CCM2: variants seen among roughly 807,000 people sequenced by gnomAD.
The protein encoded by CCM2 is cerebral cavernous malformations 2 protein.
Under a neutral mutation model 44.9 loss-of-function variants are expected in CCM2, and 25 were observed. The observed-to-expected ratio is 0.56, with a 90% CI of 0.41 to 0.78. The LOEUF (loss-of-function observed/expected upper bound fraction) is 0.78. Among genes scored for constraint, CCM2 ranks in the 30% least tolerant of loss-of-function variants. The pLI is 0.00. For synonymous variants in CCM2, 219 were observed against 241.1 expected, an observed-to-expected ratio of 0.91 and a Z score of 0.85; for missense variants, 481 against 580.6, an observed-to-expected ratio of 0.83 and a Z score of 1.76.
At chr7:45,005,370 C>T (rs967820556) in intron 1 of CCM2, among the ~76,000 whole-genome samples, 1 of 152,222 alleles carries the variant, frequency 6.6e-6, no homozygotes, top group Non-Finnish European at 1.5e-5. Context: ...CCTTCCAGGG[C>T]TGCTCTGAGC....
At chr7:45,013,142 G>A (rs903657542) in intron 1 of CCM2, among the ~76,000 whole-genome samples, 1 of 151,082 alleles carries the variant, frequency 6.6e-6, no homozygotes, top group East Asian at 1.9e-4. Context: ...TCTATATATT[G>A]CTATATATAT....
intron 2 of CCM2, among the ~76,000 whole-genome samples, chr7:45,060,425 A>G (rs1291031471): frequency 5.3e-5 from 8 of 152,198 alleles, no homozygotes; most frequent in African/African-American, 1.9e-4. Context: ...GCCTCAGTGT[A>G]AATTACCTGC....
intron 9 of CCM2, among the ~76,000 whole-genome samples, chr7:45,075,241 C>G (rs951421533): frequency 2.6e-5 from 4 of 152,202 alleles, no homozygotes; most frequent in African/African-American, 7.2e-5. Flanking sequence ...CCCTCCACAT[C>G]GGGGAGTAGA....
chr7:45,064,109 T>G (rs2128747410), intron 3 of CCM2, 108 bp downstream of exon 3: 1 of 763,796 alleles, frequency 1.3e-6, no homozygotes, highest in East Asian at 2.5e-5. Context: ...CCCATCACAT[T>G]ATGGGTACAC....
intron 6 of CCM2, chr7:45,070,600 T>G: frequency 2.8e-6 from 1 of 357,738 alleles, no homozygotes; most frequent in Non-Finnish European, 5.8e-6. Context: ...ATCATCTGTT[T>G]TTCAGATGTA....
chr7:45,001,984 G>T (rs1012819268), intron 1 of CCM2, among the ~76,000 whole-genome samples: 2 of 152,142 alleles, frequency 1.3e-5, no homozygotes, highest in African/African-American at 4.8e-5. Context: ...CTTGTTTCCT[G>T]TAGACAAGCC....
At chr7:45,043,118 G>T (rs902691976) in intron 2 of CCM2, among the ~76,000 whole-genome samples, 3 of 151,826 alleles carry the variant, frequency 2.0e-5, no homozygotes, top group Non-Finnish European at 4.4e-5. Context: ...GACTACAGGT[G>T]CCTGCCACCA....
At chr7:45,074,500 G>C in intron 9 of CCM2, 92 bp downstream of exon 9, 1 of 1,002,632 alleles carries the variant, frequency 1.0e-6, no homozygotes, top group African/African-American at 1.6e-5. Context: ...CCCTCAGTGG[G>C]TGCAGCAGGG....
intron 2 of CCM2, among the ~76,000 whole-genome samples, chr7:45,053,350 G>A (rs1039432958): frequency 3.9e-5 from 6 of 152,212 alleles, no homozygotes; most frequent in Non-Finnish European, 8.8e-5. Flanking sequence ...AGCTGCTCCA[G>A]ATCTAGAAAC....
At chr7:45,072,285 G>A (rs1799117680) in intron 6 of CCM2, 3 of 338,518 alleles carry the variant, frequency 8.9e-6, no homozygotes, top group South Asian at 7.1e-5. Context: ...GCCCGGCTCT[G>A]ACTGTGGTTT....
intron 2 of CCM2, among the ~76,000 whole-genome samples, chr7:45,045,982 A>G (rs1194064359): frequency 1.3e-5 from 2 of 152,240 alleles, no homozygotes; most frequent in African/African-American, 4.8e-5. Context: ...GAAATCAAAG[A>G]TCTGAATAAG....
chr7:45,014,717 G>C (rs967086332), intron 1 of CCM2, among the ~76,000 whole-genome samples: 2 of 151,688 alleles, frequency 1.3e-5, no homozygotes, highest in South Asian at 2.1e-4. Flanking sequence ...CACCTCCTGG[G>C]TTTAAGCGAT....
chr7:45,023,055 G>C (rs1340926408), intron 1 of CCM2, among the ~76,000 whole-genome samples: 1 of 151,942 alleles, frequency 6.6e-6, no homozygotes, highest in African/African-American at 2.4e-5. Flanking sequence ...TGGGCTTTTA[G>C]TGTACCCATC....
intron 1 of CCM2, among the ~76,000 whole-genome samples, chr7:45,013,780 A>G (rs1314674223): frequency 1.3e-5 from 2 of 152,146 alleles, no homozygotes; most frequent in African/African-American, 4.8e-5. Flanking sequence ...CTGATGATTG[A>G]TATTTTTGAA....
intron 2 of CCM2, among the ~76,000 whole-genome samples, chr7:45,043,306 G>A (rs908986495): frequency 6.6e-6 from 1 of 152,052 alleles, no homozygotes; most frequent in Admixed American, 6.6e-5. Context: ...GTATTGCCCT[G>A]ATACCAAACC....
At position 45,000,256 on chromosome 7, in the gene CCM2, G is replaced by C. The variant is rs1277414564; in HGVS notation, c.-78G>C. 6.6e-5 allele frequency: 62 copies of C among 941,638 alleles called. 1 individual carries two copies. In the South Asian group the frequency reaches 2.6e-3, roughly 40 times the overall value. The allele number at this position is 941,638 out of a possible 1,614,324, so 58.3% of individuals were successfully genotyped here. ...CCGGGAGCGCGGGGGCGGCGGGCCC[G>C]GGTCGAGCATGTAGCGGCTGCTGGC... is the stretch of plus-strand genomic sequence containing the variant. On this transcript the variant is annotated 5_prime_UTR_variant, in exon 1 of 10. Transcript: ENST00000258781.
intron 1 of CCM2, among the ~76,000 whole-genome samples, chr7:45,028,206 A>T (rs1380939878): frequency 6.6e-6 from 1 of 152,224 alleles, no homozygotes; most frequent in Non-Finnish European, 1.5e-5. Flanking sequence ...CTGGAATTTC[A>T]TCCACGAAGC....
upstream of CCM2, chr7:44,999,804 CCGCGCG>C: frequency 1.0e-4 from 1 of 10,044 alleles, no homozygotes; most frequent in Non-Finnish European, 1.6e-4. Flanking sequence ...GGAGCTGCTC[CCGCGCG>C]CGCTCCCGCG....
At chr7:45,041,116 TTAATC>T (rs1482802216) in intron 2 of CCM2, among the ~76,000 whole-genome samples, 10 of 152,272 alleles carry the variant, frequency 6.6e-5, no homozygotes, top group East Asian at 3.9e-4. Context: ...TCCCAGGAAA[TTAATC>T]TAAGAAACAG....
Sources: allele counts gnomAD v4.1 joint callset (sites outside exome capture counted in the v4.1 genomes callset), GRCh38; gene constraint gnomAD v4.1.1; transcripts MANE v1.5; gene names NCBI Gene and HGNC (gene_info 2026-07-23, HGNC 2026-07-21).